CDH13: variants seen among roughly 807,000 people sequenced by gnomAD.
CDH13 encodes the protein cadherin-13.
A neutral mutation model predicts 63.8 loss-of-function variants in CDH13; 24 were observed. The observed-to-expected ratio is 0.38, with a 90% CI of 0.27 to 0.53. The LOEUF is 0.53. Ranked by LOEUF, CDH13 falls within the 20% of genes least tolerant of loss-of-function variation. CDH13 has a pLI of 0.85. For missense variants in CDH13, 1,049 were observed against 903.1 expected (o/e 1.16, Z -2.07); for synonymous variants, 503 against 355.3 (o/e 1.42, Z -4.67).
intron 2 of CDH13, among the ~76,000 whole-genome samples, chr16:82,903,602 G>A (rs976740026): frequency 1.3e-5 from 2 of 152,120 alleles, no homozygotes; most frequent in Non-Finnish European, 2.9e-5. Context: ...TTTTAGTCGT[G>A]AGCTAACTGG....
intron 3 of CDH13, among the ~76,000 whole-genome samples, chr16:83,121,196 C>G (rs1301619172): frequency 1.3e-5 from 2 of 152,142 alleles, no homozygotes; most frequent in Non-Finnish European, 2.9e-5. Context: ...GAGTCCTTTT[C>G]ACTTCCTAGA....
At chr16:83,476,752 G>A (rs1260108534) in intron 6 of CDH13, among the ~76,000 whole-genome samples, 1 of 152,146 alleles carries the variant, frequency 6.6e-6, no homozygotes, top group Non-Finnish European at 1.5e-5. Context: ...AGAGTTTATG[G>A]AAAAATATAT....
At chr16:83,415,904 A>C (rs1273624186) in intron 6 of CDH13, among the ~76,000 whole-genome samples, 1 of 152,210 alleles carries the variant, frequency 6.6e-6, no homozygotes, top group Non-Finnish European at 1.5e-5. Context: ...TCCTCACAGG[A>C]GCAAGTAGGC....
At position 82,896,276 on chromosome 16, in the gene CDH13, A is replaced by ATT. The variant is rs59677448; in HGVS notation, c.157+37835_157+37836dup. ...GAGTCTTCTGAGAACTAGGATTAGG[A>ATT]TTTTTTTTTTTTTTTTTTTTTTTTT... On this transcript the variant is annotated intron_variant, in intron 2 of 13. Transcript: ENST00000567109. 2.4e-3 allele frequency among the ~76,000 whole-genome samples: 214 copies of ATT among 87,840 alleles called. 18 individuals are homozygous for ATT. The highest frequency in any genetic ancestry group is 4.9e-3 in the East Asian group (7 of 1,432). The allele number at this position is 87,840 out of a possible 152,430, so 57.6% of individuals were successfully genotyped here.
chr16:83,027,101 GA>G (rs369360612), intron 2 of CDH13, among the ~76,000 whole-genome samples: 3,535 of 118,530 alleles, frequency 0.03, 217 homozygotes, highest in African/African-American at 0.11. Flanking sequence ...ACAGAAGGGA[GA>G]CCCCCCCCCC....
chr16:82,717,372 G>A (rs1324357453), intron 1 of CDH13, among the ~76,000 whole-genome samples: 2 of 150,656 alleles, frequency 1.3e-5, no homozygotes, highest in Non-Finnish European at 2.9e-5. Context: ...GGAGGCGGAG[G>A]TTGCAGTGGA....
chr16:83,544,659 C>A (rs1168751126), intron 7 of CDH13, among the ~76,000 whole-genome samples: 1 of 152,156 alleles, frequency 6.6e-6, no homozygotes, highest in Non-Finnish European at 1.5e-5. Flanking sequence ...AATACAGTTT[C>A]TATTGAATGC....
intron 1 of CDH13, among the ~76,000 whole-genome samples, chr16:82,718,813 T>G (rs1172548367): frequency 6.6e-6 from 1 of 152,046 alleles, no homozygotes; most frequent in Non-Finnish European, 1.5e-5. Flanking sequence ...ACCAGGTCCC[T>G]CCCAAAACAC....
intron 6 of CDH13, among the ~76,000 whole-genome samples, chr16:83,441,427 C>A (rs1196692842): frequency 6.6e-6 from 1 of 152,200 alleles, no homozygotes; most frequent in African/African-American, 2.4e-5. Context: ...TATGTTCCTA[C>A]CAAATATTAA....
chr16:83,494,964 T>C (rs1320395714), intron 7 of CDH13, among the ~76,000 whole-genome samples: 1 of 152,226 alleles, frequency 6.6e-6, no homozygotes, highest in Non-Finnish European at 1.5e-5. Context: ...TAGGATCATC[T>C]ATTGCATTGG....
intron 1 of CDH13, among the ~76,000 whole-genome samples, chr16:82,653,512 G>A (rs1910966192): frequency 6.6e-6 from 1 of 152,138 alleles, no homozygotes; most frequent in Non-Finnish European, 1.5e-5. Flanking sequence ...GGGACTGGAT[G>A]TACCTGCACA....
intron 8 of CDH13, among the ~76,000 whole-genome samples, chr16:83,610,483 C>T (rs1908757972): frequency 6.6e-6 from 1 of 152,150 alleles, no homozygotes; most frequent in Non-Finnish European, 1.5e-5. Flanking sequence ...AACTCAAAAG[C>T]TTCCTAGGGT....
chr16:83,401,540 A>C (rs1053829120), intron 6 of CDH13, among the ~76,000 whole-genome samples: 2 of 152,030 alleles, frequency 1.3e-5, no homozygotes, highest in Non-Finnish European at 2.9e-5. Flanking sequence ...ATAAAATAAA[A>C]ATAATCTGTG....
At chr16:83,200,634 G>A (rs983231842) in intron 4 of CDH13, among the ~76,000 whole-genome samples, 1 of 152,154 alleles carries the variant, frequency 6.6e-6, no homozygotes, top group African/African-American at 2.4e-5. Context: ...ACCCAGGGTC[G>A]TTTTGGGGAA....
chr16:83,461,390 A>T (rs553806579), intron 6 of CDH13, among the ~76,000 whole-genome samples: 1 of 152,276 alleles, frequency 6.6e-6, no homozygotes, highest in Non-Finnish European at 1.5e-5. Flanking sequence ...GATGATGATG[A>T]TTGAATCAGG....
chr16:82,747,225 C>G (rs2034215444), intron 1 of CDH13, among the ~76,000 whole-genome samples: 1 of 152,172 alleles, frequency 6.6e-6, no homozygotes, highest in Admixed American at 6.5e-5. Context: ...TCAGTAGAAT[C>G]AGCATACCTG....
rs910503101 is a variant in CDH13 at position 83,047,092 on chromosome 16, C to G, written c.366+14874C>G. On this transcript the variant is annotated intron_variant, in intron 3 of 13. Coordinates refer to ENST00000567109, the MANE Select transcript of CDH13 (RefSeq NM_001257.5). This position sits in a 1 kb window ranked among gnomAD's most constrained non-coding sequence, Gnocchi z 4.9. ...CAAATTAGGATTCCTTTGACAGCAACTTTTTACAACTTCCTTCCTTTGAAG... is the reference window on the plus strand; with the variant it reads ...CAAATTAGGATTCCTTTGACAGCAAGTTTTTACAACTTCCTTCCTTTGAAG... 6.6e-6 allele frequency among the ~76,000 whole-genome samples: 1 copy of G among 152,194 alleles called. No homozygotes were observed. The highest frequency in any genetic ancestry group is 2.4e-5 in the African/African-American group (1 of 41,452).
intron 8 of CDH13, among the ~76,000 whole-genome samples, chr16:83,636,820 T>A (rs900387747): frequency 6.6e-6 from 1 of 152,176 alleles, no homozygotes; most frequent in Admixed American, 6.5e-5. Context: ...CTCTTAGGTC[T>A]TTGAGAAATG....
chr16:83,381,479 A>G (rs188246777), intron 6 of CDH13, among the ~76,000 whole-genome samples: 2 of 152,188 alleles, frequency 1.3e-5, no homozygotes, highest in African/African-American at 4.8e-5. Context: ...ATCAGCAAGA[A>G]CCCTCAAAGC....
Sources: allele counts gnomAD v4.1 joint callset (sites outside exome capture counted in the v4.1 genomes callset), GRCh38; gene constraint gnomAD v4.1.1; non-coding constraint Gnocchi (gnomAD v3.1); transcripts MANE v1.5; gene names NCBI Gene and HGNC (gene_info 2026-07-23, HGNC 2026-07-21).